Variants in ATP8A2 observed in about 807,000 individuals in gnomAD.
ATP8A2 encodes phospholipid-transporting ATPase IB.
Under a neutral mutation model 165.6 loss-of-function variants are expected in ATP8A2, and 100 were observed. The observed-to-expected ratio is 0.60, with a 90% CI of 0.51 to 0.71. The LOEUF (loss-of-function observed/expected upper bound fraction) is 0.71, where lower values mean the gene tolerates loss of function less well. Among genes scored for constraint, ATP8A2 ranks in the 30% least tolerant of loss-of-function variants. The pLI is 0.00. For synonymous variants in ATP8A2, 543 were observed against 548.8 expected, an observed-to-expected ratio of 0.99 and a Z score of 0.15; for missense variants, 1,227 against 1,479.5, an observed-to-expected ratio of 0.83 and a Z score of 2.80.
chr13:25,882,845 T>C (rs1390336129), intron 33 of ATP8A2, among the ~76,000 whole-genome samples: 3 of 151,236 alleles, frequency 2.0e-5, no homozygotes, highest in African/African-American at 2.4e-5. Context: ...ATGAAGAGAG[T>C]TGTGTTCTTC....
chr13:25,957,719 G>T (rs1367604400), intron 33 of ATP8A2, among the ~76,000 whole-genome samples: 1 of 152,142 alleles, frequency 6.6e-6, no homozygotes, highest in East Asian at 1.9e-4. Context: ...ATTCCTCAGG[G>T]ATCTAGAACC....
intron 35 of ATP8A2, 106 bp downstream of exon 35, chr13:25,968,785 A>G (rs1955846457): frequency 2.3e-6 from 2 of 854,248 alleles, no homozygotes; most frequent in East Asian, 5.3e-5. Context: ...ATGGGAGCAC[A>G]GTATGCTCAG....
chr13:25,828,009 C>T, intron 27 of ATP8A2, 109 bp from the exon 28 acceptor site: 1 of 831,276 alleles, frequency 1.2e-6, no homozygotes, highest in South Asian at 1.4e-5. Flanking sequence ...CTCATGATTC[C>T]TTAGCAGCTG....
At chr13:25,959,580 T>C (rs1212110516) in intron 33 of ATP8A2, among the ~76,000 whole-genome samples, 2 of 152,254 alleles carry the variant, frequency 1.3e-5, no homozygotes, top group Non-Finnish European at 2.9e-5. Flanking sequence ...AAGTTTAATT[T>C]TGAAGCTTGG....
At chr13:25,412,317 A>C (rs17082232) in intron 1 of ATP8A2, among the ~76,000 whole-genome samples, 2 of 93,282 alleles carry the variant, frequency 2.1e-5, no homozygotes, top group African/African-American at 3.1e-5. Context: ...AGTATTCAAG[A>C]GTGAGAAATT....
At chr13:25,752,285 A>G (rs1352659737) in intron 25 of ATP8A2, among the ~76,000 whole-genome samples, 2 of 151,754 alleles carry the variant, frequency 1.3e-5, no homozygotes, top group East Asian at 3.9e-4. Context: ...ATGTGGTGAA[A>G]CCCCATCTCT....
chr13:25,763,540 T>C (rs2044427984), intron 25 of ATP8A2, among the ~76,000 whole-genome samples: 1 of 152,170 alleles, frequency 6.6e-6, no homozygotes. Flanking sequence ...CAGGTACCTA[T>C]TGGGCTCGCC....
At chr13:26,007,396 C>T (rs969529884) in intron 35 of ATP8A2, among the ~76,000 whole-genome samples, 1 of 152,252 alleles carries the variant, frequency 6.6e-6, no homozygotes. Context: ...AGCTCTGGTT[C>T]CTGTTTTATG....
At chr13:25,397,608 A>G (rs914465027) in intron 1 of ATP8A2, among the ~76,000 whole-genome samples, 1 of 152,148 alleles carries the variant, frequency 6.6e-6, no homozygotes, top group African/African-American at 2.4e-5. Context: ...ATTGGTCATT[A>G]TGCTTTGTTG....
chr13:25,523,337 A>G (rs962199948), intron 2 of ATP8A2, among the ~76,000 whole-genome samples: 4 of 150,910 alleles, frequency 2.7e-5, no homozygotes, highest in African/African-American at 9.7e-5. Context: ...CAGTGCCGCA[A>G]TCTTGGCTCA....
chr13:25,780,673 G>C (rs2044853581), intron 27 of ATP8A2, among the ~76,000 whole-genome samples: 1 of 152,096 alleles, frequency 6.6e-6, no homozygotes, highest in African/African-American at 2.4e-5. Context: ...TTTCCACAGA[G>C]GGCATGGCTT....
chr13:25,465,737 T>TTTCTTTCTTTCTTTCTTTCCC (rs2035640489), intron 1 of ATP8A2, among the ~76,000 whole-genome samples: 1 of 5,602 alleles, frequency 1.8e-4, no homozygotes, highest in Non-Finnish European at 6.4e-4. Context: ...CTTTCTTTCT[T>TTTCTTTCTTTCTTTCTTTCCC]TCCCTCCCTC....
chr13:25,671,184 A>T (rs898994419), intron 24 of ATP8A2, among the ~76,000 whole-genome samples: 1 of 152,204 alleles, frequency 6.6e-6, no homozygotes, highest in Non-Finnish European at 1.5e-5. Context: ...ATGGACACTT[A>T]TCACTTCCCT....
At chr13:26,014,514 T>C (rs1429611738) in intron 36 of ATP8A2, among the ~76,000 whole-genome samples, 1 of 152,124 alleles carries the variant, frequency 6.6e-6, no homozygotes, top group Non-Finnish European at 1.5e-5. Flanking sequence ...ATGAGATCAT[T>C]GGGTGAGTTT....
chr13:25,374,380 G>C (rs909670889), intron 1 of ATP8A2, among the ~76,000 whole-genome samples: 1 of 152,216 alleles, frequency 6.6e-6, no homozygotes, highest in Non-Finnish European at 1.5e-5. Context: ...ACAGGAACTG[G>C]AAACAGCAAG....
At chr13:25,950,306 C>G (rs1038340470) in intron 33 of ATP8A2, among the ~76,000 whole-genome samples, 3 of 152,052 alleles carry the variant, frequency 2.0e-5, no homozygotes, top group Non-Finnish European at 4.4e-5. Context: ...GGACAGGGGT[C>G]GTTCTGGGTG....
At chr13:25,482,842 G>C (rs2036245925) in intron 2 of ATP8A2, among the ~76,000 whole-genome samples, 1 of 152,126 alleles carries the variant, frequency 6.6e-6, no homozygotes, top group Admixed American at 6.5e-5. Context: ...GCTCCTCCTT[G>C]CCTTCCACCA....
intron 33 of ATP8A2, among the ~76,000 whole-genome samples, chr13:25,935,307 A>G (rs769220894): frequency 1.2e-4 from 18 of 152,188 alleles, no homozygotes; most frequent in Non-Finnish European, 2.2e-4. Flanking sequence ...CAGCAAGCAA[A>G]TAAACTCTCC....
At chr13:25,397,397 G>A (rs933840863) in intron 1 of ATP8A2, among the ~76,000 whole-genome samples, 1 of 152,180 alleles carries the variant, frequency 6.6e-6, no homozygotes, top group African/African-American at 2.4e-5. Context: ...GTGACGCTCA[G>A]GTCCCTTTCA....
Sources: gnomAD v4.1 joint callset for allele counts (sites outside exome capture counted in the v4.1 genomes callset) on GRCh38, gnomAD v4.1.1 for gene constraint, MANE v1.5 for transcripts, NCBI Gene and HGNC (gene_info 2026-07-23, HGNC 2026-07-21) for gene names.